Variants in CLSTN2 observed in about 807,000 individuals in gnomAD.
The protein encoded by CLSTN2 is calsyntenin-2.
CLSTN2 carries 48 observed loss-of-function variants against 101.2 expected under a neutral mutation model. That is an observed-to-expected ratio of 0.47 (90% CI 0.38 to 0.60). CLSTN2 has a LOEUF of 0.60. CLSTN2 is among the 20% of genes least tolerant of loss of function. The probability of loss-of-function intolerance (pLI) is 0.00; values close to 1 mark genes in which losing one functional copy is unlikely to be tolerated. For missense variants in CLSTN2, 1,160 were observed against 1,238.2 expected (o/e 0.94, Z 0.95); for synonymous variants, 481 against 463.6 (o/e 1.04, Z -0.48).
chr3:140,269,670 G>A (rs943280262), intron 2 of CLSTN2, among the ~76,000 whole-genome samples: 2 of 152,170 alleles, frequency 1.3e-5, no homozygotes, highest in African/African-American at 4.8e-5. Context: ...TTCTTGAACC[G>A]ATGGGGGACC....
At chr3:139,988,862 G>A (rs532980247) in intron 1 of CLSTN2, among the ~76,000 whole-genome samples, 1 of 152,274 alleles carries the variant, frequency 6.6e-6, no homozygotes, top group South Asian at 2.1e-4. Context: ...TCCATTAGGA[G>A]TTTGTGGCTT....
intron 2 of CLSTN2, among the ~76,000 whole-genome samples, chr3:140,340,105 A>C (rs1576522820): frequency 1.5e-5 from 2 of 136,102 alleles, no homozygotes; most frequent in Non-Finnish European, 3.4e-5. Context: ...GTACAAGTCT[A>C]GGCTCCTCTC....
At chr3:140,129,766 G>T (rs762790073) in intron 1 of CLSTN2, among the ~76,000 whole-genome samples, 2 of 152,180 alleles carry the variant, frequency 1.3e-5, no homozygotes, top group African/African-American at 2.4e-5. Flanking sequence ...GCTGGGCCTG[G>T]TGTGTTGAAG....
intron 2 of CLSTN2, among the ~76,000 whole-genome samples, chr3:140,176,811 C>CA (rs1162333701): frequency 6.6e-6 from 1 of 152,184 alleles, no homozygotes; most frequent in Non-Finnish European, 1.5e-5. Context: ...ATATTGTTAA[C>CA]ATTTTATAAC....
At chr3:140,042,766 A>C (rs563815024) in intron 1 of CLSTN2, among the ~76,000 whole-genome samples, 2 of 152,150 alleles carry the variant, frequency 1.3e-5, no homozygotes, top group Non-Finnish European at 2.9e-5. Context: ...GAGTGAGAAC[A>C]TGTGGTGTTT....
rs140009479 is a variant in CLSTN2 at position 140,332,437 on chromosome 3, G to A, written c.233-71192G>A. ...GAAGACATGCCAGCTGTTCAGCAAGGGCTTTGTTCTTGCTTATCATTGGCA... is the reference window on the plus strand; with the variant it reads ...GAAGACATGCCAGCTGTTCAGCAAGAGCTTTGTTCTTGCTTATCATTGGCA... On this transcript the variant is annotated intron_variant, in intron 2 of 16. Coordinates refer to ENST00000458420, the MANE Select transcript of CLSTN2 (RefSeq NM_022131.3). Among the ~76,000 whole-genome samples, 755 of 152,264 alleles carry A rather than the reference G, an allele frequency of 5.0e-3. 3 individuals carry two copies. Among genetic ancestry groups the A allele is most frequent in the African/African-American group, 0.017 (700 of 41,558 alleles).
At chr3:140,010,566 G>C (rs1289104154) in intron 1 of CLSTN2, among the ~76,000 whole-genome samples, 1 of 152,298 alleles carries the variant, frequency 6.6e-6, no homozygotes, top group African/African-American at 2.4e-5. Context: ...TCCTAGGAAG[G>C]ACTCTGAATG....
intron 8 of CLSTN2, among the ~76,000 whole-genome samples, chr3:140,527,248 C>T (rs1185785400): frequency 6.6e-6 from 1 of 152,042 alleles, no homozygotes; most frequent in South Asian, 2.1e-4. Flanking sequence ...CAAATAATCT[C>T]ATTTAAAAAT....
At chr3:140,464,145 A>G (rs999534737) in intron 7 of CLSTN2, among the ~76,000 whole-genome samples, 4 of 152,112 alleles carry the variant, frequency 2.6e-5, no homozygotes, top group Admixed American at 2.6e-4. Flanking sequence ...GAGACTTTAT[A>G]CTTCTTTTCC....
At chr3:140,411,704 T>C (rs1293104845) in intron 4 of CLSTN2, among the ~76,000 whole-genome samples, 4 of 152,224 alleles carry the variant, frequency 2.6e-5, no homozygotes, top group Non-Finnish European at 5.9e-5. Context: ...CCAAGCTAGC[T>C]GGTATCTACT....
At chr3:140,147,443 A>G (rs994084963) in intron 1 of CLSTN2, among the ~76,000 whole-genome samples, 1 of 152,146 alleles carries the variant, frequency 6.6e-6, no homozygotes, top group Non-Finnish European at 1.5e-5. Flanking sequence ...TCTGTCCCCT[A>G]TGATTGACCC....
intron 2 of CLSTN2, among the ~76,000 whole-genome samples, chr3:140,190,438 CAAAA>C (rs35206840): frequency 5.1e-4 from 42 of 82,938 alleles, no homozygotes; most frequent in African/African-American, 1.5e-3. Context: ...TCTATAGCTA[CAAAA>C]AAAAAAAAAA....
chr3:140,171,778 T>TTATATAA (rs1412285125), intron 1 of CLSTN2, among the ~76,000 whole-genome samples: 1 of 78,562 alleles, frequency 1.3e-5, no homozygotes, highest in Admixed American at 1.7e-4. Flanking sequence ...ATAATATGTA[T>TTATATAA]TATATAATAT....
chr3:140,116,586 T>G (rs2009246528), intron 1 of CLSTN2, among the ~76,000 whole-genome samples: 1 of 152,210 alleles, frequency 6.6e-6, no homozygotes, highest in African/African-American at 2.4e-5. Flanking sequence ...GGGCCGATCC[T>G]GTACTTTTGT....
At chr3:139,962,862 A>G (rs139181107) in intron 1 of CLSTN2, among the ~76,000 whole-genome samples, 9 of 152,320 alleles carry the variant, frequency 5.9e-5, no homozygotes, top group African/African-American at 2.2e-4. Context: ...GCATTCATGT[A>G]CAAGTCTCCT....
intron 2 of CLSTN2, among the ~76,000 whole-genome samples, chr3:140,355,960 A>AT (rs1431708703): frequency 3.3e-5 from 5 of 152,362 alleles, no homozygotes; most frequent in African/African-American, 1.2e-4. Context: ...GACCATAAAT[A>AT]TTTTTGAGTA....
chr3:140,431,553 G>T (rs536294011), intron 5 of CLSTN2, among the ~76,000 whole-genome samples: 1 of 152,218 alleles, frequency 6.6e-6, no homozygotes, highest in African/African-American at 2.4e-5. Context: ...CTATCTTTTT[G>T]AATCTCTCCT....
chr3:140,133,916 T>TA (rs1404103564), intron 1 of CLSTN2, among the ~76,000 whole-genome samples: 1 of 152,194 alleles, frequency 6.6e-6, no homozygotes, highest in African/African-American at 2.4e-5. Context: ...GTTTCAATGT[T>TA]ACTATTCTCT....
At chr3:140,248,127 G>A (rs1240556727) in intron 2 of CLSTN2, among the ~76,000 whole-genome samples, 1 of 152,194 alleles carries the variant, frequency 6.6e-6, no homozygotes, top group Non-Finnish European at 1.5e-5. Context: ...ACCTGTCTGT[G>A]GGTATCTGAT....
Sources: allele counts gnomAD v4.1 joint callset (sites outside exome capture counted in the v4.1 genomes callset), GRCh38; gene constraint gnomAD v4.1.1; transcripts MANE v1.5; gene names NCBI Gene and HGNC (gene_info 2026-07-23, HGNC 2026-07-21).